The following DNAH11 variants were observed in gnomAD, a reference collection of about 807,000 sequenced individuals.
The protein encoded by DNAH11 is dynein axonemal heavy chain 11, also known as axonemal beta dynein heavy chain 11.
DNAH11 carries 442 observed loss-of-function variants against 526.0 expected under a neutral mutation model. That is an observed-to-expected ratio of 0.84 (90% CI 0.78 to 0.91). The LOEUF is 0.91. Among genes scored for constraint, DNAH11 ranks in the 40% least tolerant of loss-of-function variants. The pLI, the probability that DNAH11 is intolerant of heterozygous loss-of-function variation, is 0.00. For synonymous variants in DNAH11, 2,461 were observed against 1,935.9 expected, an observed-to-expected ratio of 1.27 and a Z score of -7.12; for missense variants, 6,989 against 5,448.7, an observed-to-expected ratio of 1.28 and a Z score of -8.90.
At position 21,786,647 on chromosome 7, in the gene DNAH11, C is replaced by A; in HGVS notation, c.9621C>A (p.Ala3207=). Residue 3207 remains alanine, a synonymous_variant, in exon 59 of 82, where the codon GCC becomes GCA. Coordinates refer to ENST00000409508, the MANE Select transcript of DNAH11 (RefSeq NM_001277115.2). ...AGGTCAACCTCAGTGAGCTGAAAGCCTTTCCCAACCCTCCCATCGCAGTTA... is the reference window on the plus strand; with the variant it reads ...AGGTCAACCTCAGTGAGCTGAAAGCATTTCCCAACCCTCCCATCGCAGTTA... ...LNRVNLSELK[A]FPNPPIAVTN... is the part of the protein sequence containing the mutation. 1.2e-6 allele frequency: 2 copies of A among 1,613,302 alleles called. No homozygotes were observed. The highest frequency in any genetic ancestry group is 1.7e-6 in the Non-Finnish European group (2 of 1,179,422).
At chr7:21,730,972 G>A (rs531813363) in intron 45 of DNAH11, among the ~76,000 whole-genome samples, 3 of 151,668 alleles carry the variant, frequency 2.0e-5, no homozygotes, top group Non-Finnish European at 4.4e-5. Context: ...GGCGAAACCC[G>A]GTCTCTACTA....
chr7:21,786,596 G>C, intron 58 of DNAH11, 28 bp from the exon 59 acceptor site: 8 of 1,599,044 alleles, frequency 5.0e-6, no homozygotes, highest in Non-Finnish European at 6.8e-6. Context: ...TCCTGTCTGT[G>C]TACGTGTTTC....
intron 45 of DNAH11, among the ~76,000 whole-genome samples, chr7:21,728,405 C>T (rs971503512): frequency 1.1e-4 from 17 of 151,710 alleles, no homozygotes; most frequent in Non-Finnish European, 1.6e-4. Flanking sequence ...CTACAGGCAA[C>T]CCACCACCAT....
At chr7:21,720,066 G>A (rs753926914) in intron 43 of DNAH11, among the ~76,000 whole-genome samples, 2 of 152,182 alleles carry the variant, frequency 1.3e-5, no homozygotes, top group African/African-American at 4.8e-5. Context: ...TTCACCTGGA[G>A]AGTATGAAGA....
chr7:21,735,963 A>C, intron 46 of DNAH11, 119 bp downstream of exon 46: 2 of 989,228 alleles, frequency 2.0e-6, no homozygotes, highest in Middle Eastern at 4.6e-4. Context: ...CTTGGGCCTT[A>C]GATGAATTTG....
chr7:21,545,015 G>A lies in DNAH11; in HGVS notation c.361G>A (p.Asp121Asn). ...CTTGCTCTTGTTTTAGATTCCAAGA[G>A]ATGCAAACCATAAACTTGTTTTTAT... ...RLAASQEIPR[D>N]ANHKLVFISK... is the part of the protein sequence containing the mutation. The change falls in exon 2 of 82, where the codon GAT becomes AAT. Residue 121 changes from aspartate (D) to asparagine (N), a missense_variant. Transcript: ENST00000409508. The A allele has an allele frequency of 6.3e-7, 1 of 1,584,144 alleles. No individual in the cohort carries two copies. Among genetic ancestry groups the A allele is most frequent in the Non-Finnish European group, 8.6e-7 (1 of 1,165,106 alleles).
intron 76 of DNAH11, 56 bp downstream of exon 76, chr7:21,884,466 T>C (rs1784047670): frequency 5.3e-6 from 8 of 1,513,974 alleles, no homozygotes; most frequent in Non-Finnish European, 7.2e-6. Context: ...AAAATTCTGG[T>C]AAGAATTTTA....
At chr7:21,885,067 A>G (rs1282771284) in intron 76 of DNAH11, among the ~76,000 whole-genome samples, 4 of 144,302 alleles carry the variant, frequency 2.8e-5, no homozygotes, top group East Asian at 2.0e-4. Context: ...TTATTTGTCA[A>G]TTTAAAATAA....
intron 9 of DNAH11, among the ~76,000 whole-genome samples, chr7:21,582,717 A>G (rs990668934): frequency 3.9e-5 from 6 of 152,172 alleles, no homozygotes; most frequent in South Asian, 2.1e-4. Flanking sequence ...GAAAAAAATC[A>G]CAAATCAAGT....
At chr7:21,633,750 G>A (rs7777720) in intron 25 of DNAH11, among the ~76,000 whole-genome samples, 8,885 of 152,144 alleles carry the variant, frequency 0.058, 893 homozygotes, top group African/African-American at 0.2. Flanking sequence ...TAAGGTGGGC[G>A]GAAGACCCAG....
chr7:21,732,237 C>G (rs965373232), intron 45 of DNAH11, among the ~76,000 whole-genome samples: 4 of 152,194 alleles, frequency 2.6e-5, no homozygotes, highest in Admixed American at 1.3e-4. Context: ...CCTCACTCCT[C>G]GTAGCCACTT....
At chr7:21,682,207 A>G (rs536050751) in intron 31 of DNAH11, among the ~76,000 whole-genome samples, 12 of 152,300 alleles carry the variant, frequency 7.9e-5, no homozygotes, top group Admixed American at 7.2e-4. Context: ...TTCTTTTAGT[A>G]TACTAATAAC....
At chr7:21,743,342 T>C (rs1786000626) in intron 49 of DNAH11, among the ~76,000 whole-genome samples, 1 of 152,240 alleles carries the variant, frequency 6.6e-6, no homozygotes, top group African/African-American at 2.4e-5. Context: ...TTTGGTTTAA[T>C]ATTGAAAATT....
At chr7:21,560,571 G>A (rs1783411883) in intron 4 of DNAH11, among the ~76,000 whole-genome samples, 1 of 152,216 alleles carries the variant, frequency 6.6e-6, no homozygotes, top group African/African-American at 2.4e-5. Context: ...GGATTCTGAT[G>A]TTCAAGGGCA....
At position 21,847,326 on chromosome 7, in the gene DNAH11, A is replaced by G. The variant is rs551440343; in HGVS notation, c.10896+4578A>G. Among the ~76,000 whole-genome samples the G allele has an allele frequency of 3.3e-5, 5 of 152,338 alleles. No individual in the cohort carries two copies. The South Asian group carries it at 1.0e-3, about 32-fold the overall frequency. On this transcript the variant is annotated intron_variant, in intron 66 of 81. Transcript: ENST00000409508. ...TTTTCTAATATATGCATTCAATGCT[A>G]TAAATTTCCCTTTAACCACTGCTTT... is the stretch of plus-strand genomic sequence containing the variant.
At chr7:21,680,179 G>A (rs572903368) in intron 30 of DNAH11, among the ~76,000 whole-genome samples, 16 of 152,218 alleles carry the variant, frequency 1.1e-4, no homozygotes, top group Non-Finnish European at 1.9e-4. Context: ...GCAGGGTTTC[G>A]CATTTTCCGG....
intron 65 of DNAH11, among the ~76,000 whole-genome samples, chr7:21,833,802 G>T (rs1166532247): frequency 6.6e-6 from 1 of 152,116 alleles, no homozygotes. Context: ...GAGTATAAAT[G>T]TTGGTATCTC....
chr7:21,780,175 A>G (rs1434717722), intron 57 of DNAH11, among the ~76,000 whole-genome samples: 5 of 152,164 alleles, frequency 3.3e-5, no homozygotes, highest in African/African-American at 9.7e-5. Flanking sequence ...GGCATGCCCT[A>G]TGTGATCAGC....
intron 9 of DNAH11, among the ~76,000 whole-genome samples, chr7:21,584,556 A>G (rs1032947101): frequency 1.3e-5 from 2 of 152,194 alleles, no homozygotes; most frequent in Non-Finnish European, 2.9e-5. Flanking sequence ...GTGTACATGT[A>G]TCCCAGAACT....
Sources: allele counts gnomAD v4.1 joint callset (sites outside exome capture counted in the v4.1 genomes callset), GRCh38; gene constraint gnomAD v4.1.1; transcripts MANE v1.5; gene names NCBI Gene and HGNC (gene_info 2026-07-23, HGNC 2026-07-21).